DDX25: variants seen among roughly 807,000 people sequenced by gnomAD.
DDX25 encodes the protein DEAD-box helicase 25, also known as ATP-dependent RNA helicase DDX25.
A neutral mutation model predicts 64.6 loss-of-function variants in DDX25; 70 were observed. The observed-to-expected ratio is 1.08, with a 90% CI of 0.89 to 1.32. The LOEUF (loss-of-function observed/expected upper bound fraction) is 1.32. Among genes scored for constraint, DDX25 ranks in the 40% most tolerant of loss-of-function variants. The pLI is 0.00. For missense variants in DDX25, 587 were observed against 604.4 expected (o/e 0.97, Z 0.30); for synonymous variants, 211 against 213.3 (o/e 0.99, Z 0.09).
Position 125,928,672 on chromosome 11 carries a change from A to T in DDX25, c.*5791A>T, listed in dbSNP as rs746926538. On this transcript the variant is annotated 3_prime_UTR_variant, in exon 12 of 12. Coordinates refer to ENST00000263576, the MANE Select transcript of DDX25 (RefSeq NM_013264.5). ...TTCTGGTTTATGTTTCTCTTAGTAC[A>T]AGCAAGATTATATTTTTTAAAGTGG... 2 of 152,242 alleles carry T rather than the reference A, an allele frequency of 1.3e-5. No homozygotes were observed. The highest frequency in any genetic ancestry group is 2.4e-5 in the African/African-American group (1 of 41,474). 9.4% of individuals were successfully genotyped at this position (152,242 alleles called of 1,614,324 possible).
In DDX25 at chr11:125,921,127, T is replaced by G; in HGVS notation, c.1202-64T>G. 2 of 1,449,834 alleles carry G rather than the reference T, an allele frequency of 1.4e-6. No individual in the cohort carries two copies. Among genetic ancestry groups the G allele is most frequent in the Non-Finnish European group, 1.8e-6 (2 of 1,084,728 alleles). 89.8% of individuals were successfully genotyped at this position (1,449,834 alleles called of 1,614,324 possible). A position where few individuals can be genotyped will look rare whatever the true frequency, so the allele number is the denominator to read the frequency against. On this transcript the variant is annotated intron_variant, in intron 10 of 11. Coordinates refer to ENST00000263576, the MANE Select transcript of DDX25 (RefSeq NM_013264.5). This position sits in a 1 kb window ranked among gnomAD's most constrained non-coding sequence, Gnocchi z 4.1. ...ATAGGAATTCCCTTGGCAGACGTGG[T>G]ACTTGAATGGCCCGTGTACTGAGGA...
At chr11:125,911,183 G>A in intron 7 of DDX25, 128 bp from the exon 8 acceptor site, 1 of 870,686 alleles carries the variant, frequency 1.1e-6, no homozygotes, top group Non-Finnish European at 1.6e-6. Flanking sequence ...ATGACCCTCG[G>A]GGTTTCCACT....
intron 8 of DDX25, among the ~76,000 whole-genome samples, chr11:125,913,475 C>A (rs1476686776): frequency 6.6e-6 from 1 of 152,096 alleles, no homozygotes; most frequent in Admixed American, 6.6e-5. Context: ...GGATAGGAAT[C>A]CTGTGTCATT....
In DDX25 at chr11:125,910,471, G is replaced by T. The variant is rs1383882915; in HGVS notation, c.615G>T (p.Gly205=). 1.9e-6 allele frequency: 3 copies of T among 1,613,714 alleles called. No individual in the cohort carries two copies. Among genetic ancestry groups the T allele is most frequent in the South Asian group, 1.1e-5 (1 of 91,042 alleles). The change falls in exon 7 of 12, where the codon GGG becomes GGT. Residue 205 remains glycine (G), a synonymous_variant. Transcript: ENST00000263576. ...VDVQVMYAIR[G]NRIPRGTDIT... is the part of the protein sequence containing the mutation. ...TTCAAGTGATGTATGCCATTCGAGG[G>T]AATCGAAGTATGTACCAGTAAGCCA...
Position 125,927,130 on chromosome 11 carries a change from C to CAG in DDX25, c.*4249_*4250insAG, listed in dbSNP as rs1409440656. On this transcript the variant is annotated 3_prime_UTR_variant, in exon 12 of 12. Transcript: ENST00000263576. ...GTGGGTGGGGCTGAAGCACCATTCT[C>CAG]CATTTTTAATGTGGATTTTCCATCC... 8.5e-5 allele frequency: 13 copies of CAG among 152,248 alleles called. No homozygotes were observed. The highest frequency in any genetic ancestry group is 2.9e-5 in the Non-Finnish European group (2 of 68,050). 9.4% of individuals were successfully genotyped at this position (152,248 alleles called of 1,614,324 possible).
At chr11:125,914,088 T>C (rs1945002929) in intron 8 of DDX25, among the ~76,000 whole-genome samples, 2 of 152,238 alleles carry the variant, frequency 1.3e-5, no homozygotes, top group African/African-American at 2.4e-5. Flanking sequence ...AATTCTAGTA[T>C]TTAAAAATTT....
Position 125,927,962 on chromosome 11 carries a change from T to C in DDX25, c.*5081T>C, listed in dbSNP as rs1337036237. 6.6e-6 allele frequency: 1 copy of C among 152,252 alleles called. No individual in the cohort carries two copies. Among genetic ancestry groups the C allele is most frequent in the Non-Finnish European group, 1.5e-5 (1 of 68,054 alleles). The allele number at this position is 152,252 out of a possible 1,614,324, so 9.4% of individuals were successfully genotyped here. ...GGAGCAACATGAGTCTGAGAAGCTT[T>C]GCACAAAAGAAGATTGTTTTCCACA... On this transcript the variant is annotated 3_prime_UTR_variant, in exon 12 of 12. Coordinates refer to ENST00000263576, the MANE Select transcript of DDX25 (RefSeq NM_013264.5).
upstream of DDX25, among the ~76,000 whole-genome samples, chr11:125,904,198 G>A (rs1944839159): frequency 6.6e-6 from 1 of 152,254 alleles, no homozygotes; most frequent in African/African-American, 2.4e-5. Context: ...GGCGGGCCGC[G>A]GGGCGGCGCG....
At chr11:125,904,622 A>G in intron 1 of DDX25, 42 bp downstream of exon 1, 2 of 1,414,750 alleles carry the variant, frequency 1.4e-6, no homozygotes, top group South Asian at 1.5e-5. Context: ...GCGGGGGTGG[A>G]GCTCCCACTC....
chr11:125,916,815 T>C (rs1273597101), intron 8 of DDX25, among the ~76,000 whole-genome samples, 199 bp from the exon 9 acceptor site: 1 of 152,224 alleles, frequency 6.6e-6, no homozygotes, highest in African/African-American at 2.4e-5. Flanking sequence ...CTTCACATTC[T>C]GTTTATATAC....
Position 125,906,212 on chromosome 11 carries a change from G to T in DDX25, c.311+3G>T. 1 of 1,533,062 alleles carries T rather than the reference G, an allele frequency of 6.5e-7. No homozygotes were observed. The highest frequency in any genetic ancestry group is 8.8e-7 in the Non-Finnish European group (1 of 1,141,976). The allele number at this position is 1,533,062 out of a possible 1,614,324, so 95.0% of individuals were successfully genotyped here. A position where few individuals can be genotyped will look rare whatever the true frequency, so the allele number is the denominator to read the frequency against. On this transcript the variant is annotated splice_donor_region_variant and intron_variant, in intron 4 of 11. Coordinates refer to ENST00000263576, the MANE Select transcript of DDX25 (RefSeq NM_013264.5). ...AAGACATTTGAAGAGCTGCGGCTGT[G>T]AGTATTTTTACTCTTTTAATATGGG... is the stretch of plus-strand genomic sequence containing the variant.
chr11:125,903,888 T>A (rs1478387913), upstream of DDX25, among the ~76,000 whole-genome samples: 1 of 152,186 alleles, frequency 6.6e-6, no homozygotes, highest in Non-Finnish European at 1.5e-5. Flanking sequence ...AAAGGTAATG[T>A]TTTTAACAAG....
intron 6 of DDX25, among the ~76,000 whole-genome samples, chr11:125,908,843 C>T (rs747370249): frequency 6.6e-6 from 1 of 152,216 alleles, no homozygotes; most frequent in Non-Finnish European, 1.5e-5. Context: ...TAATACCTAG[C>T]ACAGTGCCTG....
At position 125,922,962 on chromosome 11, in the gene DDX25, T is replaced by G. The variant is rs1945133176; in HGVS notation, c.*81T>G. On this transcript the variant is annotated 3_prime_UTR_variant, in exon 12 of 12. Transcript: ENST00000263576. ...GGTTTTGAAGGTAATTTTTTTATGT[T>G]GAGGCTTTTTCGACGTGAAACTGTC... 6 of 1,331,072 alleles carry G rather than the reference T, an allele frequency of 4.5e-6. No homozygotes were observed. The highest frequency in any genetic ancestry group is 2.4e-5 in the Admixed American group (1 of 42,516). 82.5% of individuals were successfully genotyped at this position (1,331,072 alleles called of 1,614,324 possible).
rs762447266 is a variant in DDX25 at position 125,911,483 on chromosome 11, T to C, written c.795T>C (p.Ile265=). The C allele has an allele frequency of 1.2e-6, 2 of 1,613,562 alleles. No homozygotes were observed. Among genetic ancestry groups the C allele is most frequent in the East Asian group, 4.5e-5 (2 of 44,858 alleles). The part of the protein sequence containing the change: ...TQGFSDHSIR[I]QRALPSECQM... ...GATTCTCAGATCATAGTATTCGTAT[T>C]CAAAGGTAATCTTCAGAGTCTTCCT... is the stretch of plus-strand genomic sequence containing the variant. The change falls in exon 8 of 12, where the codon ATT becomes ATC. Residue 265 remains isoleucine, a synonymous_variant. Coordinates refer to ENST00000263576, the MANE Select transcript of DDX25 (RefSeq NM_013264.5).
chr11:125,910,770 G>T (rs58599777), intron 7 of DDX25, among the ~76,000 whole-genome samples: 2,265 of 152,014 alleles, frequency 0.015, 69 homozygotes, highest in African/African-American at 0.052. Context: ...TTTTATTTTT[G>T]GATTTTTCGT....
At chr11:125,905,481 T>C (rs890445953) in intron 2 of DDX25, 72 bp from the exon 3 acceptor site, 14 of 1,491,816 alleles carry the variant, frequency 9.4e-6, no homozygotes, top group East Asian at 2.5e-5. Flanking sequence ...GAAGAAAAAA[T>C]TGAATAGCAT....
Position 125,918,615 on chromosome 11 carries a change from C to A in DDX25, c.1039-13C>A, listed in dbSNP as rs1181948862. 1.2e-6 allele frequency: 2 copies of A among 1,606,848 alleles called. No individual in the cohort carries two copies. The highest frequency in any genetic ancestry group is 1.7e-5 in the Admixed American group (1 of 59,618). ...TCTTGGGGTGCTGTGTTGGGTTTTGCCTTTTTACATAGACTCGTCGAAACG... is the reference window on the plus strand; with the variant it reads ...TCTTGGGGTGCTGTGTTGGGTTTTGACTTTTTACATAGACTCGTCGAAACG... On this transcript the variant is annotated splice_polypyrimidine_tract_variant and intron_variant, in intron 9 of 11. Coordinates refer to ENST00000263576, the MANE Select transcript of DDX25 (RefSeq NM_013264.5).
At chr11:125,906,928 G>C (rs1944896994) in intron 4 of DDX25, among the ~76,000 whole-genome samples, 1 of 151,930 alleles carries the variant, frequency 6.6e-6, no homozygotes, top group Non-Finnish European at 1.5e-5. Flanking sequence ...ATCCTGCAGT[G>C]CTCAGGGGGA....
Sources: allele counts gnomAD v4.1 joint callset (sites outside exome capture counted in the v4.1 genomes callset), GRCh38; gene constraint gnomAD v4.1.1; non-coding constraint Gnocchi (gnomAD v3.1); transcripts MANE v1.5; gene names NCBI Gene and HGNC (gene_info 2026-07-23, HGNC 2026-07-21).